Variants in ZFTRAF1 observed in about 807,000 individuals in gnomAD.
ZFTRAF1 encodes zinc finger TRAF-type and ring finger containing 1, also known as zinc finger TRAF-type-containing protein 1.
the ZFTRAF1 span, among the ~76,000 whole-genome samples, chr8:144,461,283 G>A: frequency 0.011 from 1,750 of 152,318 alleles, 27 homozygotes; most frequent in African/African-American, 0.04. Context: ...TCCAGCTCCT[G>A]TAAGTGTAAA....
At chr8:144,454,750 T>TGGTGGTGCTGGGAGGCCAGCCCTGCAC in the ZFTRAF1 span, 1 of 152,180 alleles carries the variant, frequency 6.6e-6, no homozygotes, top group South Asian at 2.1e-4. Context: ...CGGCCCTGCC[T>TGGTGGTGCTGGGAGGCCAGCCCTGCAC]GGTGGTGCTG....
the ZFTRAF1 span, chr8:144,449,607 AAGG>A: frequency 5.2e-5 from 8 of 152,396 alleles, no homozygotes; most frequent in African/African-American, 1.9e-4. Flanking sequence ...AAGAGCCTGC[AAGG>A]AGTTTAATCT....
At chr8:144,452,064 A>G in the ZFTRAF1 span, 77 of 458,140 alleles carry the variant, frequency 1.7e-4, no homozygotes, top group Non-Finnish European at 2.3e-4. Context: ...GGAGCCCCAC[A>G]GTGAGATGCC....
At chr8:144,460,937 A>G in the ZFTRAF1 span, among the ~76,000 whole-genome samples, 1 of 152,344 alleles carries the variant, frequency 6.6e-6, no homozygotes, top group Non-Finnish European at 1.5e-5. Context: ...GAGCCAGGAA[A>G]AAGGAGCTGG....
At chr8:144,450,643 G>C in the ZFTRAF1 span, 2 of 717,864 alleles carry the variant, frequency 2.8e-6, no homozygotes, top group Non-Finnish European at 5.2e-6. Flanking sequence ...AGGACAGGTT[G>C]GGGTTACGCT....
At chr8:144,450,466 C>T in the ZFTRAF1 span, 6 of 718,188 alleles carry the variant, frequency 8.4e-6, no homozygotes, top group Non-Finnish European at 1.6e-5. Context: ...CAATGATGGG[C>T]AGTGGCACGT....
chr8:144,450,289 T>G, the ZFTRAF1 span: 6 of 652,628 alleles, frequency 9.2e-6, no homozygotes, highest in Non-Finnish European at 1.7e-5. Flanking sequence ...AGTGATCAGA[T>G]AGTCCTGTGA....
chr8:144,453,206 CCT>C, the ZFTRAF1 span: 16 of 1,548,926 alleles, frequency 1.0e-5, no homozygotes, highest in Non-Finnish European at 1.3e-5. Flanking sequence ...AGGCTAAGCC[CCT>C]GACCCTCAGT....
At chr8:144,454,797 C>T in the ZFTRAF1 span, 2 of 152,332 alleles carry the variant, frequency 1.3e-5, no homozygotes, top group Non-Finnish European at 2.9e-5. Context: ...CCTGGGAAGT[C>T]TGAGCTGCCA....
the ZFTRAF1 span, chr8:144,450,660 C>A: frequency 1.4e-6 from 1 of 717,822 alleles, no homozygotes; most frequent in South Asian, 1.5e-5. Flanking sequence ...CGCTCCGAGT[C>A]GTTGACTCGA....
the ZFTRAF1 span, chr8:144,453,205 C>T: frequency 1.9e-6 from 3 of 1,548,732 alleles, no homozygotes; most frequent in Non-Finnish European, 2.6e-6. Flanking sequence ...AAGGCTAAGC[C>T]CCTGACCCTC....
chr8:144,453,183 G>A, the ZFTRAF1 span: 7 of 1,533,230 alleles, frequency 4.6e-6, no homozygotes, highest in Non-Finnish European at 6.2e-6. Flanking sequence ...AGCAGTCCTG[G>A]GCCCCGCCTG....
the ZFTRAF1 span, chr8:144,452,302 C>T: frequency 6.5e-7 from 1 of 1,530,488 alleles, no homozygotes. Context: ...AGACTCCTGG[C>T]TGCCAGCCCC....
At chr8:144,457,213 C>T in the ZFTRAF1 span, 1 of 152,266 alleles carries the variant, frequency 6.6e-6, no homozygotes, top group Admixed American at 6.5e-5. Flanking sequence ...GGAATGACAT[C>T]ACAGGGCCTC....
At chr8:144,450,715 C>T in the ZFTRAF1 span, 1 of 716,194 alleles carries the variant, frequency 1.4e-6, no homozygotes, top group Non-Finnish European at 2.6e-6. Flanking sequence ...ACCTGGGCGT[C>T]TCATAGTACA....
the ZFTRAF1 span, chr8:144,452,678 C>T: frequency 2.8e-6 from 3 of 1,062,824 alleles, no homozygotes; most frequent in Middle Eastern, 2.2e-4. Flanking sequence ...TCCTGCAGGA[C>T]ACACGTAACT....
At chr8:144,453,797 C>T in the ZFTRAF1 span, 1 of 272,706 alleles carries the variant, frequency 3.7e-6, no homozygotes, top group Non-Finnish European at 7.2e-6. Context: ...ACTGCCCTGA[C>T]CCCCCTACAG....
the ZFTRAF1 span, chr8:144,450,973 A>C: frequency 1.7e-6 from 1 of 572,168 alleles, no homozygotes; most frequent in Non-Finnish European, 3.1e-6. Flanking sequence ...GAACAACCAC[A>C]AACAGAATCA....
the ZFTRAF1 span, chr8:144,462,244 C>T: frequency 3.9e-6 from 2 of 510,402 alleles, no homozygotes; most frequent in South Asian, 2.3e-5. Flanking sequence ...GGGCTGCAGC[C>T]CCGGGCTGGG....
Sources: allele counts gnomAD v4.1 joint callset (sites outside exome capture counted in the v4.1 genomes callset), GRCh38; gene constraint gnomAD v4.1.1; transcripts MANE v1.5; gene names NCBI Gene and HGNC (gene_info 2026-07-23, HGNC 2026-07-21).